MAGI2: variants seen among roughly 807,000 people sequenced by gnomAD.
MAGI2 encodes membrane-associated guanylate kinase, WW and PDZ domain-containing protein 2.
MAGI2 carries 35 observed loss-of-function variants against 133.3 expected under a neutral mutation model. The observed-to-expected ratio is 0.26, with a 90% CI of 0.20 to 0.35. MAGI2 has a LOEUF of 0.35. Ranked by LOEUF, MAGI2 falls within the 10% of genes least tolerant of loss-of-function variation. MAGI2 has a pLI of 1.00. For missense variants in MAGI2, 1,636 were observed against 1,863.4 expected (o/e 0.88, Z 2.25); for synonymous variants, 729 against 710.6 (o/e 1.03, Z -0.41).
chr7:78,756,517 C>T (rs545716458), intron 2 of MAGI2, among the ~76,000 whole-genome samples: 2 of 152,100 alleles, frequency 1.3e-5, no homozygotes, highest in African/African-American at 2.4e-5. Flanking sequence ...GAGAATGAAC[C>T]GATTAGTGGG....
chr7:78,658,424 T>G (rs1337584815), intron 2 of MAGI2, among the ~76,000 whole-genome samples: 11 of 152,170 alleles, frequency 7.2e-5, no homozygotes, highest in Admixed American at 7.2e-4. Flanking sequence ...GCAGAATTCT[T>G]AGACTTGACA....
intron 6 of MAGI2, among the ~76,000 whole-genome samples, chr7:78,438,667 T>C (rs978637599): frequency 2.0e-5 from 3 of 152,152 alleles, no homozygotes; most frequent in African/African-American, 4.8e-5. Flanking sequence ...AATTTCTCTT[T>C]AACGAACCAC....
intron 2 of MAGI2, among the ~76,000 whole-genome samples, chr7:78,847,486 G>T (rs185066667): frequency 2.3e-3 from 357 of 152,132 alleles, no homozygotes; most frequent in African/African-American, 8.2e-3. Flanking sequence ...TTTAGATCTT[G>T]TCAAAGTGTT....
At chr7:79,368,923 G>T (rs1032863569) in intron 1 of MAGI2, among the ~76,000 whole-genome samples, 1 of 149,996 alleles carries the variant, frequency 6.7e-6, no homozygotes, top group Admixed American at 6.6e-5. Context: ...AATAGAAAGT[G>T]CTACCCCATC....
intron 1 of MAGI2, among the ~76,000 whole-genome samples, chr7:79,445,830 G>T (rs959719550): frequency 6.6e-6 from 1 of 152,158 alleles, no homozygotes; most frequent in African/African-American, 2.4e-5. Flanking sequence ...ATACCCAAAG[G>T]ATTATAAGTC....
At chr7:78,043,156 T>C (rs1027531906) in intron 21 of MAGI2, among the ~76,000 whole-genome samples, 2 of 152,226 alleles carry the variant, frequency 1.3e-5, no homozygotes, top group African/African-American at 4.8e-5. Flanking sequence ...AATAATTAGA[T>C]AACAGCATTA....
intron 1 of MAGI2, among the ~76,000 whole-genome samples, chr7:79,167,115 T>G (rs1333406963): frequency 6.6e-6 from 1 of 152,102 alleles, no homozygotes; most frequent in Non-Finnish European, 1.5e-5. Flanking sequence ...ATTTAATACC[T>G]TACTATACAT....
chr7:78,710,060 G>C (rs1004234133), intron 2 of MAGI2, among the ~76,000 whole-genome samples: 3 of 152,144 alleles, frequency 2.0e-5, no homozygotes, highest in Non-Finnish European at 2.9e-5. Context: ...CAACAGGGAA[G>C]GGACCTTTCA....
chr7:79,441,288 T>G (rs1317756946), intron 1 of MAGI2, among the ~76,000 whole-genome samples: 1 of 152,160 alleles, frequency 6.6e-6, no homozygotes, highest in Non-Finnish European at 1.5e-5. Flanking sequence ...GTAACTAACT[T>G]TGTGGTTTTC....
intron 12 of MAGI2, among the ~76,000 whole-genome samples, chr7:78,188,948 A>G (rs1401391032): frequency 2.0e-5 from 3 of 152,126 alleles, no homozygotes; most frequent in Non-Finnish European, 4.4e-5. Context: ...ATACTACCAT[A>G]TATGATGCGG....
intron 20 of MAGI2, among the ~76,000 whole-genome samples, chr7:78,095,546 T>C (rs569465986): frequency 6.6e-6 from 1 of 152,326 alleles, no homozygotes; most frequent in East Asian, 1.9e-4. Context: ...GCTGATTCAA[T>C]GGCTCAGCTA....
At chr7:78,630,805 T>G (rs73378270) in intron 2 of MAGI2, among the ~76,000 whole-genome samples, 1,639 of 152,308 alleles carry the variant, frequency 0.011, 30 homozygotes, top group African/African-American at 0.036. Context: ...CCTTGAGAGA[T>G]AAATCTCCTC....
At chr7:78,532,301 T>A (rs1174363719) in intron 3 of MAGI2, among the ~76,000 whole-genome samples, 1 of 152,228 alleles carries the variant, frequency 6.6e-6, no homozygotes, top group East Asian at 1.9e-4. Flanking sequence ...TAAACTAAAG[T>A]CAACAATTTC....
At chr7:79,035,496 T>TA (rs1291862062) in intron 1 of MAGI2, among the ~76,000 whole-genome samples, 3 of 152,270 alleles carry the variant, frequency 2.0e-5, no homozygotes, top group African/African-American at 7.2e-5. Flanking sequence ...AATACCTCTT[T>TA]AAAAAACCCT....
At chr7:78,771,863 T>C (rs920294072) in intron 2 of MAGI2, among the ~76,000 whole-genome samples, 1 of 152,226 alleles carries the variant, frequency 6.6e-6, no homozygotes, top group African/African-American at 2.4e-5. Context: ...CTAGATTCAA[T>C]AATGAGTAAT....
At chr7:78,519,143 A>C (rs1258883045) in intron 4 of MAGI2, 2 of 152,004 alleles carry the variant, frequency 1.3e-5, no homozygotes, top group African/African-American at 4.8e-5. Context: ...AAAAAAAAAA[A>C]AAAAACCAAT....
chr7:78,675,298 T>G (rs1366926686), intron 2 of MAGI2, among the ~76,000 whole-genome samples: 1 of 151,886 alleles, frequency 6.6e-6, no homozygotes, highest in East Asian at 1.9e-4. Flanking sequence ...TGTTTGAATG[T>G]GTGATTCCAT....
Position 78,573,365 on chromosome 7 carries a change from AATATATATATATATATATATATAT to A in MAGI2, c.539-51744_539-51721del, listed in dbSNP as rs58739225. ...ATATATAGAGAGAGAGAATCCTGGA[AATATATATATATATATATATATAT>A]ATATATATATATATAGGCTGCCACT... On this transcript the variant is annotated intron_variant, in intron 3 of 21. Coordinates refer to ENST00000354212, the MANE Select transcript of MAGI2 (RefSeq NM_012301.4). 4.4e-3 allele frequency among the ~76,000 whole-genome samples: 128 copies of A among 29,032 alleles called. 8 individuals are homozygous for A. The highest frequency in any genetic ancestry group is 0.02 in the African/African-American group (106 of 5,410). 19.0% of individuals were successfully genotyped at this position (29,032 alleles called of 152,430 possible). A position where few individuals can be genotyped will look rare whatever the true frequency, so the allele number is the denominator to read the frequency against.
At chr7:78,723,742 C>T (rs1362606147) in intron 2 of MAGI2, among the ~76,000 whole-genome samples, 4 of 152,014 alleles carry the variant, frequency 2.6e-5, no homozygotes, top group African/African-American at 9.7e-5. Flanking sequence ...AATGTCAAAA[C>T]CAGGGAGTAC....
Sources: allele counts gnomAD v4.1 joint callset (sites outside exome capture counted in the v4.1 genomes callset), GRCh38; gene constraint gnomAD v4.1.1; transcripts MANE v1.5; gene names NCBI Gene and HGNC (gene_info 2026-07-23, HGNC 2026-07-21).